Variants in PSME4 observed in about 807,000 individuals in gnomAD.
PSME4 encodes proteasome activator subunit 4.
PSME4 carries 89 observed loss-of-function variants against 253.9 expected under a neutral mutation model. The observed-to-expected ratio is 0.35, with a 90% CI of 0.30 to 0.42. The LOEUF (loss-of-function observed/expected upper bound fraction) is 0.42. PSME4 is among the 10% of genes least tolerant of loss of function. The probability of loss-of-function intolerance (pLI) is 1.00; values close to 1 mark genes in which losing one functional copy is unlikely to be tolerated. For missense variants in PSME4, 2,014 were observed against 2,195.2 expected, an observed-to-expected ratio of 0.92 and a Z score of 1.65; for synonymous variants, 851 against 759.2, an observed-to-expected ratio of 1.12 and a Z score of -1.99.
intron 4 of PSME4, among the ~76,000 whole-genome samples, chr2:53,938,491 T>A (rs962395642): frequency 1.3e-5 from 2 of 150,848 alleles, no homozygotes; most frequent in Admixed American, 6.6e-5. Context: ...TTTTTTTTTT[T>A]AAAGACAAGA....
In PSME4 at chr2:53,892,790, C is replaced by T. The variant is rs769203986; in HGVS notation, c.4191+18G>A. 3.1e-6 allele frequency: 5 copies of T among 1,603,110 alleles called. No homozygotes were observed. The highest frequency in any genetic ancestry group is 4.3e-6 in the Non-Finnish European group (5 of 1,174,994). On this transcript the variant is annotated intron_variant, in intron 36 of 46. Coordinates refer to ENST00000404125, the MANE Select transcript of PSME4 (RefSeq NM_014614.3). ...TAGCTTTAACAGGAAATGTTCTGTA[C>T]AAATATTAATACATCACCTTTTCAA...
intron 1 of PSME4, among the ~76,000 whole-genome samples, chr2:53,954,095 C>T (rs1226693448): frequency 3.3e-5 from 5 of 151,606 alleles, no homozygotes; most frequent in Admixed American, 3.3e-4. Flanking sequence ...TTGGGGAGGC[C>T]GAGGCAGGCA....
chr2:53,893,911 G>C lies in PSME4; in HGVS notation c.3913-112C>G, dbSNP rs1039082950. 2.3e-5 allele frequency: 32 copies of C among 1,387,824 alleles called. No individual in the cohort carries two copies. In the South Asian group the frequency reaches 4.8e-4, roughly 21 times the overall value. The allele number at this position is 1,387,824 out of a possible 1,614,324, so 86.0% of individuals were successfully genotyped here. A position where few individuals can be genotyped will look rare whatever the true frequency, so the allele number is the denominator to read the frequency against. On this transcript the variant is annotated intron_variant, in intron 34 of 46. Transcript: ENST00000404125. ...ATAGTCAAAAGCAGGCTGTATTTTT[G>C]TTTCCATGAATTCTTAGTTCTCATA...
chr2:53,878,795 A>G (rs1679250625), intron 41 of PSME4, among the ~76,000 whole-genome samples: 1 of 152,244 alleles, frequency 6.6e-6, no homozygotes, highest in Non-Finnish European at 1.5e-5. Context: ...GATGTTATCA[A>G]TGACAATGTG....
intron 3 of PSME4, among the ~76,000 whole-genome samples, chr2:53,945,442 G>C (rs1573350751): frequency 6.6e-6 from 1 of 152,080 alleles, no homozygotes; most frequent in African/African-American, 2.4e-5. Flanking sequence ...TGAGGATAAA[G>C]AGACTAAAAA....
chr2:53,884,101 T>C (rs904975153), intron 41 of PSME4, among the ~76,000 whole-genome samples: 3 of 152,228 alleles, frequency 2.0e-5, no homozygotes, highest in Non-Finnish European at 2.9e-5. Context: ...GATGCCTTTG[T>C]ACCTCTGGCC....
At chr2:53,959,311 G>C (rs575435673) in intron 1 of PSME4, among the ~76,000 whole-genome samples, 91 of 152,242 alleles carry the variant, frequency 6.0e-4, no homozygotes, top group African/African-American at 2.1e-3. Context: ...GTTGCAGTGA[G>C]CTGAGACCAT....
intron 20 of PSME4, among the ~76,000 whole-genome samples, chr2:53,918,330 T>C (rs1298597562): frequency 6.6e-6 from 1 of 152,192 alleles, no homozygotes; most frequent in Non-Finnish European, 1.5e-5. Flanking sequence ...AAAATTAATA[T>C]ATACTGCTGA....
intron 29 of PSME4, 92 bp downstream of exon 29, chr2:53,899,789 G>T: frequency 6.9e-7 from 1 of 1,455,288 alleles, no homozygotes; most frequent in Non-Finnish European, 9.4e-7. Context: ...CTGTACTCCA[G>T]CCTGGGCAAC....
chr2:53,950,550 G>A (rs535024349), intron 1 of PSME4, among the ~76,000 whole-genome samples: 1 of 152,082 alleles, frequency 6.6e-6, no homozygotes, highest in East Asian at 1.9e-4. Flanking sequence ...TAAGAAAAAG[G>A]TGTCCCAATG....
Position 53,970,830 on chromosome 2 carries a change from C to T in PSME4, c.-46G>A, listed in dbSNP as rs1410301279. 3 of 1,403,232 alleles carry T rather than the reference C, an allele frequency of 2.1e-6. No homozygotes were observed. Among genetic ancestry groups the T allele is most frequent in the Non-Finnish European group, 2.8e-6 (3 of 1,066,262 alleles). 86.9% of individuals were successfully genotyped at this position (1,403,232 alleles called of 1,614,324 possible). A position where few individuals can be genotyped will look rare whatever the true frequency, so the allele number is the denominator to read the frequency against. ...CACCCCCTCCCACCCGAACCCTCCC[C>T]GGCCCCCACCCCTCTCCGGGCTCCG... On this transcript the variant is annotated 5_prime_UTR_variant, in exon 1 of 47. Coordinates refer to ENST00000404125, the MANE Select transcript of PSME4 (RefSeq NM_014614.3).
Position 53,926,095 on chromosome 2 carries a change from T to G in PSME4, c.1594-72A>C, listed in dbSNP as rs965707548. 10 of 1,224,814 alleles carry G rather than the reference T, an allele frequency of 8.2e-6. No homozygotes were observed. In the Admixed American group the frequency reaches 1.6e-4, roughly 20 times the overall value. The allele number at this position is 1,224,814 out of a possible 1,614,324, so 75.9% of individuals were successfully genotyped here. On this transcript the variant is annotated intron_variant, in intron 12 of 46. Transcript: ENST00000404125. ...TTTTTCCTGAACTAACAAAACTCAA[T>G]TATTGCCTGCCAAATGTATCCACAC... is the stretch of plus-strand genomic sequence containing the variant.
Position 53,919,235 on chromosome 2 carries a change from A to C in PSME4, c.2432T>G (p.Leu811Arg). ...GTTGTGCACTATAGTCAGACTCTGT[A>C]GAATATCATCTCTAGAAAAAAAAAA... The part of the protein sequence containing the change: ...GKLEMSRDDI[L>R]QSLTIVHNCL... The change falls in exon 20 of 47, where the codon CTA becomes CGA. Residue 811 changes from leucine (L) to arginine (R), a missense_variant. This residue lies in a region of PSME4 where 989 missense variants were observed against 1,021.1 expected (regional missense o/e 0.97). Coordinates refer to ENST00000404125, the MANE Select transcript of PSME4 (RefSeq NM_014614.3). 1 of 1,585,374 alleles carries C rather than the reference A, an allele frequency of 6.3e-7. No homozygotes were observed. Among genetic ancestry groups the C allele is most frequent in the Non-Finnish European group, 8.5e-7 (1 of 1,170,616 alleles).
chr2:53,888,524 C>T (rs1233121453), intron 38 of PSME4, among the ~76,000 whole-genome samples, 197 bp downstream of exon 38: 1 of 152,186 alleles, frequency 6.6e-6, no homozygotes, highest in African/African-American at 2.4e-5. Flanking sequence ...AGGTTGCCTA[C>T]ATCTCACTTA....
At chr2:53,955,940 C>T (rs1670218204) in intron 1 of PSME4, among the ~76,000 whole-genome samples, 1 of 151,486 alleles carries the variant, frequency 6.6e-6, no homozygotes, top group African/African-American at 2.4e-5. Context: ...CAAAACAAAA[C>T]AAAAAAAGAA....
In PSME4 at chr2:53,892,894, C is replaced by T; in HGVS notation, c.4105G>A (p.Ala1369Thr). The T allele has an allele frequency of 6.2e-7, 1 of 1,613,850 alleles. No homozygotes were observed. The highest frequency in any genetic ancestry group is 1.1e-5 in the South Asian group (1 of 91,066). The change falls in exon 36 of 47, where the codon GCA becomes ACA. Residue 1369 changes from alanine (A) to threonine (T), a missense_variant. Physicochemically the swap from Ala to Thr is moderately conservative, Grantham distance 58. This residue lies in a region of PSME4 where 989 missense variants were observed against 1,021.1 expected (regional missense o/e 0.97). Transcript: ENST00000404125. ...CGCTGGGTGCTTTCATGTGAATCTG[C>T]AACCAAATGTTCTAAATGGGGCTTC... ...VLKPHLEHLV[A>T]DSHESTQRCV...
chr2:53,917,608 G>A (rs1573284424), intron 20 of PSME4, among the ~76,000 whole-genome samples: 2 of 152,088 alleles, frequency 1.3e-5, no homozygotes, highest in Non-Finnish European at 2.9e-5. Flanking sequence ...AAAAATACAT[G>A]CTTTTGCTCT....
rs181015416 is a variant in PSME4, at chr2:53,964,983, T to A, written c.242+5560A>T. The stretch of plus-strand genomic sequence containing the variant: ...TTCACATTATAATATAGTCACTTAA[T>A]CATAAAACAATACAAAACATGTCAC... On this transcript the variant is annotated intron_variant, in intron 1 of 46. Transcript: ENST00000404125. 5.9e-5 allele frequency among the ~76,000 whole-genome samples: 9 copies of A among 152,260 alleles called. 1 individual carries two copies. Among genetic ancestry groups the A allele is most frequent in the Admixed American group, 4.6e-4 (7 of 15,294 alleles).
intron 34 of PSME4, 28 bp from the exon 35 acceptor site, chr2:53,893,827 C>T: frequency 6.4e-7 from 1 of 1,559,004 alleles, no homozygotes; most frequent in Non-Finnish European, 8.6e-7. Context: ...GAACAATATT[C>T]AGCGTTTAAA....
Sources: allele counts gnomAD v4.1 joint callset (sites outside exome capture counted in the v4.1 genomes callset), GRCh38; gene constraint gnomAD v4.1.1; regional missense constraint gnomAD v4.1.1; transcripts MANE v1.5; gene names NCBI Gene and HGNC (gene_info 2026-07-23, HGNC 2026-07-21).